Variants in RORA observed in about 807,000 individuals in gnomAD.
RORA encodes the protein nuclear receptor ROR-alpha.
A neutral mutation model predicts 69.5 loss-of-function variants in RORA; 7 were observed. The ratio of observed to expected loss-of-function variants is 0.10; its 90% CI spans 0.06 to 0.19. The LOEUF is 0.19. RORA is among the 10% of genes least tolerant of loss of function. The pLI is 1.00. For synonymous variants in RORA, 261 were observed against 240.8 expected, an observed-to-expected ratio of 1.08 and a Z score of -0.78; for missense variants, 457 against 663.0, an observed-to-expected ratio of 0.69 and a Z score of 3.41.
chr15:60,960,218 G>C (rs1204860413), intron 1 of RORA, among the ~76,000 whole-genome samples: 1 of 152,134 alleles, frequency 6.6e-6, no homozygotes, highest in Non-Finnish European at 1.5e-5. Flanking sequence ...ATGCCATAGA[G>C]ACATGTTAAA....
At chr15:60,766,483 G>C (rs1429911408) in intron 1 of RORA, among the ~76,000 whole-genome samples, 1 of 152,172 alleles carries the variant, frequency 6.6e-6, no homozygotes, top group African/African-American at 2.4e-5. Context: ...CACCCAGACA[G>C]GTAGACTGCT....
chr15:60,562,475 G>A (rs905552749), intron 2 of RORA, among the ~76,000 whole-genome samples: 6 of 149,186 alleles, frequency 4.0e-5, no homozygotes, highest in Admixed American at 2.7e-4. Context: ...TTGCTCTGTC[G>A]CCCAGGCTGG....
intron 1 of RORA, among the ~76,000 whole-genome samples, chr15:60,702,495 G>T (rs1451429701): frequency 6.6e-6 from 1 of 152,096 alleles, no homozygotes; most frequent in Non-Finnish European, 1.5e-5. Context: ...GCCTCCCAAA[G>T]TGCTGGGATT....
At chr15:60,504,560 C>T (rs576939794) in intron 6 of RORA, among the ~76,000 whole-genome samples, 61 of 152,150 alleles carry the variant, frequency 4.0e-4, no homozygotes, top group African/African-American at 1.4e-3. Flanking sequence ...CAAAACAAAA[C>T]AAAAAACTGG....
chr15:60,909,567 C>G (rs957566348), intron 1 of RORA, among the ~76,000 whole-genome samples: 1 of 152,032 alleles, frequency 6.6e-6, no homozygotes, highest in African/African-American at 2.4e-5. Flanking sequence ...AATAGAGTCA[C>G]AAGTTATTTA....
chr15:60,607,980 G>A (rs1223309719), intron 2 of RORA, among the ~76,000 whole-genome samples: 2 of 152,188 alleles, frequency 1.3e-5, no homozygotes, highest in African/African-American at 2.4e-5. Flanking sequence ...TGGCTGCAAC[G>A]ATTCTTTTTC....
intron 2 of RORA, among the ~76,000 whole-genome samples, chr15:60,560,453 G>C (rs1176150182): frequency 1.3e-5 from 2 of 152,178 alleles, no homozygotes; most frequent in East Asian, 3.9e-4. Flanking sequence ...CAGCACTTTG[G>C]GAAGCCAAGG....
chr15:60,591,638 C>G (rs1215320683), intron 2 of RORA, among the ~76,000 whole-genome samples: 1 of 152,186 alleles, frequency 6.6e-6, no homozygotes, highest in Non-Finnish European at 1.5e-5. Flanking sequence ...CGCCCCTGCC[C>G]GCGGATCCCG....
intron 1 of RORA, among the ~76,000 whole-genome samples, chr15:61,121,190 G>A (rs1045257190): frequency 2.0e-5 from 3 of 151,978 alleles, no homozygotes; most frequent in African/African-American, 2.4e-5. Flanking sequence ...ACTCCATAAC[G>A]CAGACTAAGT....
chr15:60,519,526 AGTT>A (rs1184142138), intron 3 of RORA, among the ~76,000 whole-genome samples: 6 of 152,172 alleles, frequency 3.9e-5, no homozygotes, highest in African/African-American at 1.4e-4. Flanking sequence ...ATTCCTCCTT[AGTT>A]GTTCTCATAT....
intron 2 of RORA, among the ~76,000 whole-genome samples, chr15:60,546,732 G>C (rs2067081944): frequency 6.6e-6 from 1 of 152,148 alleles, no homozygotes; most frequent in African/African-American, 2.4e-5. Context: ...GAGGTTTGCT[G>C]AGCCTGGAAA....
intron 1 of RORA, among the ~76,000 whole-genome samples, chr15:60,958,791 T>C (rs1893339629): frequency 6.6e-6 from 1 of 152,186 alleles, no homozygotes; most frequent in South Asian, 2.1e-4. Context: ...TTGGAATGTG[T>C]CCTGTGGGAA....
intron 1 of RORA, among the ~76,000 whole-genome samples, chr15:60,917,416 A>T (rs1452873835): frequency 6.6e-6 from 1 of 152,190 alleles, no homozygotes; most frequent in Non-Finnish European, 1.5e-5. Context: ...TTATGTAAGG[A>T]GAGTAACAGC....
At chr15:60,873,837 T>A (rs977933839) in intron 1 of RORA, among the ~76,000 whole-genome samples, 6 of 152,124 alleles carry the variant, frequency 3.9e-5, no homozygotes, top group African/African-American at 7.2e-5. Flanking sequence ...AAAAGCAAAT[T>A]TTGTAGGTAA....
chr15:60,983,996 C>A (rs947182927), intron 1 of RORA, among the ~76,000 whole-genome samples: 1 of 152,160 alleles, frequency 6.6e-6, no homozygotes, highest in South Asian at 2.1e-4. Context: ...TTGTATATTT[C>A]ATAGCAAAAT....
chr15:60,505,303 G>A (rs140746308), intron 6 of RORA, among the ~76,000 whole-genome samples: 1 of 152,186 alleles, frequency 6.6e-6, no homozygotes, highest in Non-Finnish European at 1.5e-5. Flanking sequence ...AAGCACAATA[G>A]AAATTATTTG....
At chr15:60,516,536 G>A (rs2065966248) in intron 3 of RORA, among the ~76,000 whole-genome samples, 2 of 151,808 alleles carry the variant, frequency 1.3e-5, no homozygotes, top group African/African-American at 4.8e-5. Flanking sequence ...AGCTTTAGTT[G>A]TGAAGATAGA....
At chr15:60,862,665 G>A (rs1476870599) in intron 1 of RORA, among the ~76,000 whole-genome samples, 1 of 152,184 alleles carries the variant, frequency 6.6e-6, no homozygotes. Flanking sequence ...GCGCTTGTAT[G>A]AATTTTCATG....
rs202176817 is a variant in RORA at position 61,060,847 on chromosome 15, A to AC, written c.166+168205_166+168206insG. Reference sequence around the variant, plus strand: ...AACTATAGCTGATGAGCCAAAAAAAAAATTACAAAAATACCTGATAATGTT... The same window carrying AC: ...AACTATAGCTGATGAGCCAAAAAAAACAATTACAAAAATACCTGATAATGTT... On this transcript the variant is annotated intron_variant, in intron 1 of 10. Coordinates refer to ENST00000335670, the MANE Select transcript of RORA (RefSeq NM_134261.3). 2.6e-3 allele frequency among the ~76,000 whole-genome samples: 401 copies of AC among 152,322 alleles called. 3 individuals carry two copies. Among genetic ancestry groups the AC allele is most frequent in the East Asian group, 0.023 (121 of 5,184 alleles).
Sources: allele counts gnomAD v4.1 joint callset (sites outside exome capture counted in the v4.1 genomes callset), GRCh38; gene constraint gnomAD v4.1.1; transcripts MANE v1.5; gene names NCBI Gene and HGNC (gene_info 2026-07-23, HGNC 2026-07-21).